Variants in GSR observed in about 807,000 individuals in gnomAD.
GSR encodes the protein glutathione reductase, mitochondrial.
Under a neutral mutation model 56.5 loss-of-function variants are expected in GSR, and 48 were observed. The ratio of observed to expected loss-of-function variants is 0.85; its 90% CI spans 0.67 to 1.08. The LOEUF (loss-of-function observed/expected upper bound fraction) is 1.08, where lower values mean the gene tolerates loss of function less well. Ranked by LOEUF, GSR falls within the 50% of genes least tolerant of loss-of-function variation. The probability of loss-of-function intolerance (pLI) is 0.00; values close to 1 mark genes in which losing one functional copy is unlikely to be tolerated. For synonymous variants in GSR, 264 were observed against 270.8 expected (o/e 0.97, Z 0.25); for missense variants, 694 against 703.3 (o/e 0.99, Z 0.15).
rs761242551 is a variant in GSR at position 30,727,569 on chromosome 8, C to T, written c.267G>A (p.Arg89=). The part of the protein sequence containing the change: ...SARRAAELGA[R]AAVVESHKLG... ...GCTTGTGGCTCTCCACCACGGCGGC[C>T]CTGGCACCCAGCTCGGCCGCCCTGC... The change falls in exon 1 of 13, where the codon AGG becomes AGA. Residue 89 remains arginine (R), a synonymous_variant. Transcript: ENST00000221130. 8.2e-5 allele frequency: 126 copies of T among 1,535,118 alleles called. No homozygotes were observed. Among genetic ancestry groups the T allele is most frequent in the Admixed American group, 2.4e-4 (12 of 50,620 alleles).
rs1803793087 is a variant in GSR at position 30,702,970 on chromosome 8, T to C, written c.640+123A>G. 3 of 1,024,554 alleles carry C rather than the reference T, an allele frequency of 2.9e-6. No individual in the cohort carries two copies. In the East Asian group the frequency reaches 7.2e-5, roughly 24 times the overall value. 63.5% of individuals were successfully genotyped at this position (1,024,554 alleles called of 1,614,324 possible). A position where few individuals can be genotyped will look rare whatever the true frequency, so the allele number is the denominator to read the frequency against. On this transcript the variant is annotated intron_variant, in intron 5 of 12. Coordinates refer to ENST00000221130, the MANE Select transcript of GSR (RefSeq NM_000637.5). ...ACTGGAGTTAGGTTCTGCAGAGACC[T>C]TCTCCCATGGCCTGGCTCCAAAGAG...
At chr8:30,727,272 C>G (rs1165174750) in intron 1 of GSR, among the ~76,000 whole-genome samples, 2 of 152,238 alleles carry the variant, frequency 1.3e-5, no homozygotes, top group Non-Finnish European at 2.9e-5. Flanking sequence ...GTTAATCTAA[C>G]CCGCCCCGGC....
intron 1 of GSR, among the ~76,000 whole-genome samples, chr8:30,714,061 T>C (rs1804246245): frequency 1.3e-5 from 2 of 152,182 alleles, no homozygotes; most frequent in African/African-American, 4.8e-5. Flanking sequence ...TGCAGAATAG[T>C]AGTTATGCCA....
chr8:30,713,186 A>G (rs1005233533), intron 1 of GSR, among the ~76,000 whole-genome samples: 3 of 151,990 alleles, frequency 2.0e-5, no homozygotes, highest in African/African-American at 7.3e-5. Context: ...GTAGGTGTGC[A>G]CCACCATGCC....
intron 1 of GSR, among the ~76,000 whole-genome samples, chr8:30,715,582 C>T (rs1053599154): frequency 3.3e-5 from 5 of 152,166 alleles, no homozygotes; most frequent in Admixed American, 3.3e-4. Context: ...CGTGCTTCCC[C>T]GTGCCTTCCA....
chr8:30,707,668 A>G (rs1803960861), intron 4 of GSR, among the ~76,000 whole-genome samples: 1 of 151,428 alleles, frequency 6.6e-6, no homozygotes, highest in Admixed American at 6.6e-5. Flanking sequence ...TTAAAAATAA[A>G]ATAGGGCCGG....
intron 8 of GSR, among the ~76,000 whole-genome samples, chr8:30,692,715 T>G (rs1184303442): frequency 6.6e-6 from 1 of 151,828 alleles, no homozygotes; most frequent in Non-Finnish European, 1.5e-5. Context: ...TTGGCCAGGC[T>G]GTTCTCGAAG....
intron 1 of GSR, among the ~76,000 whole-genome samples, chr8:30,719,835 A>G (rs1428348469): frequency 3.3e-5 from 5 of 152,136 alleles, no homozygotes; most frequent in Admixed American, 1.3e-4. Context: ...CCAGGTAGAA[A>G]CTTCACATTG....
intron 6 of GSR, among the ~76,000 whole-genome samples, 169 bp from the exon 7 acceptor site, chr8:30,696,648 G>C (rs1482873244): frequency 6.6e-6 from 1 of 152,116 alleles, no homozygotes; most frequent in Admixed American, 6.6e-5. Context: ...GTCAAAATAA[G>C]AAATTGACAT....
At chr8:30,715,198 C>T (rs8190924) in intron 1 of GSR, among the ~76,000 whole-genome samples, 8,723 of 152,052 alleles carry the variant, frequency 0.057, 320 homozygotes, top group South Asian at 0.17. Flanking sequence ...GAGGCTGAGG[C>T]GGAAGGATCT....
In GSR at chr8:30,678,774, G is replaced by C. The variant is rs1457025399; in HGVS notation, c.*746C>G. 3 of 152,102 alleles carry C rather than the reference G, an allele frequency of 2.0e-5. No individual in the cohort carries two copies. Among genetic ancestry groups the C allele is most frequent in the Non-Finnish European group, 2.9e-5 (2 of 68,024 alleles). The allele number at this position is 152,102 out of a possible 1,614,324, so 9.4% of individuals were successfully genotyped here. On this transcript the variant is annotated 3_prime_UTR_variant, in exon 13 of 13. Transcript: ENST00000221130. ...CCTTGAAGCAGCTTTGTTATATGCA[G>C]AGCACAGTACTGGCTTCAAAAAATA...
At chr8:30,698,374 A>G (rs1175428720) in intron 6 of GSR, among the ~76,000 whole-genome samples, 1 of 152,204 alleles carries the variant, frequency 6.6e-6, no homozygotes, top group Non-Finnish European at 1.5e-5. Flanking sequence ...TCCAAACATA[A>G]TGAGTCATGA....
rs376658099 is a variant in GSR, at chr8:30,696,405, G to A, written c.770C>T (p.Thr257Ile). 24 of 1,608,082 alleles carry A rather than the reference G, an allele frequency of 1.5e-5. No individual in the cohort carries two copies. Among genetic ancestry groups the A allele is most frequent in the Non-Finnish European group, 1.9e-5 (22 of 1,174,592 alleles). ...CTTATCATGCCGTATCATCAGTGATGTCTTAGAACCCAGGGCTGACAGGAT... is the reference window on the plus strand; with the variant it reads ...CTTATCATGCCGTATCATCAGTGATATCTTAGAACCCAGGGCTGACAGGAT... ...AGILSALGSK[T>I]SLMIRHDKVL... Residue 257 changes from threonine (T) to isoleucine (I), a missense_variant, in exon 7 of 13, where the codon ACA becomes ATA. Transcript: ENST00000221130.
At chr8:30,693,820 T>TGC in intron 7 of GSR, among the ~76,000 whole-genome samples, 1 of 152,166 alleles carries the variant, frequency 6.6e-6, no homozygotes, top group Non-Finnish European at 1.5e-5. Context: ...TGAGCCACCA[T>TGC]GCCCACCCAC....
chr8:30,696,174 T>C (rs1457106812), intron 7 of GSR, among the ~76,000 whole-genome samples: 2 of 152,198 alleles, frequency 1.3e-5, no homozygotes, highest in East Asian at 1.9e-4. Flanking sequence ...ACCAGCCAAT[T>C]TGACCAACTC....
chr8:30,720,795 C>T (rs918208279), intron 1 of GSR, among the ~76,000 whole-genome samples: 1 of 152,180 alleles, frequency 6.6e-6, no homozygotes, highest in Non-Finnish European at 1.5e-5. Context: ...TTAACCTGAA[C>T]CTTCCAGTCT....
chr8:30,706,971 G>A (rs1240853334), intron 4 of GSR: 1 of 152,058 alleles, frequency 6.6e-6, no homozygotes, highest in Non-Finnish European at 1.5e-5. Context: ...CCCGTTTCTA[G>A]TAAAAATACA....
intron 4 of GSR, chr8:30,706,883 T>A (rs996869350): frequency 2.6e-5 from 4 of 152,346 alleles, no homozygotes; most frequent in African/African-American, 7.2e-5. Context: ...ACGCCTATAA[T>A]CTCAGCACTT....
chr8:30,725,881 C>CAA (rs59192685), intron 1 of GSR, among the ~76,000 whole-genome samples: 8,359 of 59,870 alleles, frequency 0.14, 1,110 homozygotes, highest in African/African-American at 0.34. Flanking sequence ...GACTCCCTCT[C>CAA]AAAAAAAAAA....
Sources: gnomAD v4.1 joint callset for allele counts (sites outside exome capture counted in the v4.1 genomes callset) on GRCh38, gnomAD v4.1.1 for gene constraint, MANE v1.5 for transcripts, NCBI Gene and HGNC (gene_info 2026-07-23, HGNC 2026-07-21) for gene names.